Variants in NBAS observed in about 807,000 individuals in gnomAD.
The protein encoded by NBAS is NAG/BC035112 fusion.
A neutral mutation model predicts 302.5 loss-of-function variants in NBAS; 219 were observed. The observed-to-expected ratio is 0.72, with a 90% CI of 0.65 to 0.81. The LOEUF is 0.81. Among genes scored for constraint, NBAS ranks in the 30% least tolerant of loss-of-function variants. The probability of loss-of-function intolerance (pLI) is 0.00; values close to 1 mark genes in which losing one functional copy is unlikely to be tolerated. For missense variants in NBAS, 2,932 were observed against 2,841.6 expected (o/e 1.03, Z -0.72); for synonymous variants, 1,118 against 1,021.6 (o/e 1.09, Z -1.80).
intron 30 of NBAS, among the ~76,000 whole-genome samples, chr2:15,377,148 T>G (rs1416853199): frequency 6.6e-6 from 1 of 152,050 alleles, no homozygotes; most frequent in Non-Finnish European, 1.5e-5. Context: ...AGTAAAATAT[T>G]TGAGATAGGC....
intron 44 of NBAS, among the ~76,000 whole-genome samples, chr2:15,255,636 A>AG (rs1458734792): frequency 6.6e-6 from 1 of 152,168 alleles, no homozygotes; most frequent in East Asian, 1.9e-4. Flanking sequence ...TCCAATGTCT[A>AG]GAAGAGTTTT....
the NBAS span, among the ~76,000 whole-genome samples, chr2:15,128,290 C>T: frequency 3.3e-5 from 5 of 152,208 alleles, no homozygotes; most frequent in Non-Finnish European, 7.3e-5. Context: ...ATGTGATTGA[C>T]AGCGGGGGAC....
At chr2:14,806,742 G>C in the NBAS span, among the ~76,000 whole-genome samples, 1 of 152,136 alleles carries the variant, frequency 6.6e-6, no homozygotes, top group East Asian at 1.9e-4. Flanking sequence ...CACTCTAAAG[G>C]GAGGAAAATC....
the NBAS span, among the ~76,000 whole-genome samples, chr2:14,912,004 A>C: frequency 6.6e-6 from 1 of 152,352 alleles, no homozygotes; most frequent in East Asian, 1.9e-4. Context: ...TCACAAGCCT[A>C]GGTGGTGCAG....
At chr2:15,483,890 C>A (rs11901502) in intron 12 of NBAS, among the ~76,000 whole-genome samples, 1,613 of 152,282 alleles carry the variant, frequency 0.011, 26 homozygotes, top group African/African-American at 0.036. Context: ...AAATTATAAG[C>A]TGACTAGTTT....
At chr2:14,872,689 T>A in the NBAS span, among the ~76,000 whole-genome samples, 2 of 151,958 alleles carry the variant, frequency 1.3e-5, no homozygotes, top group African/African-American at 4.8e-5. Context: ...TCCGGGTGAG[T>A]TCGTGGTCTC....
chr2:14,976,312 G>A, the NBAS span, among the ~76,000 whole-genome samples: 1 of 152,216 alleles, frequency 6.6e-6, no homozygotes, highest in Non-Finnish European at 1.5e-5. Context: ...GCAGGCCATG[G>A]TACCATAGTG....
chr2:15,039,530 G>A, the NBAS span, among the ~76,000 whole-genome samples: 2 of 152,198 alleles, frequency 1.3e-5, no homozygotes. Context: ...GAGCCAAGAA[G>A]GGAGTGTGCA....
chr2:15,260,874 G>A (rs1017327681), intron 44 of NBAS, among the ~76,000 whole-genome samples: 2 of 152,118 alleles, frequency 1.3e-5, no homozygotes, highest in South Asian at 2.1e-4. Context: ...GTCAGGAAAC[G>A]ATATGACCCC....
At chr2:15,357,704 T>G (rs1055446388) in intron 32 of NBAS, among the ~76,000 whole-genome samples, 3 of 152,130 alleles carry the variant, frequency 2.0e-5, no homozygotes, top group African/African-American at 7.2e-5. Context: ...TATATATAAA[T>G]GAGGATGAAA....
At chr2:15,226,996 T>C (rs1667176510) in intron 47 of NBAS, among the ~76,000 whole-genome samples, 1 of 152,216 alleles carries the variant, frequency 6.6e-6, no homozygotes. Context: ...TTCCAAACCT[T>C]GGAGGAAAAA....
intron 44 of NBAS, among the ~76,000 whole-genome samples, chr2:15,240,384 C>T (rs1431719618): frequency 6.9e-6 from 1 of 145,550 alleles, no homozygotes; most frequent in East Asian, 2.0e-4. Flanking sequence ...GGATGGATCA[C>T]GAGGTCAGGT....
At chr2:15,296,612 A>G (rs549883514) in intron 40 of NBAS, among the ~76,000 whole-genome samples, 25 of 152,210 alleles carry the variant, frequency 1.6e-4, no homozygotes, top group African/African-American at 5.8e-4. Context: ...TGGAGGCTCA[A>G]TTGAGGCCAG....
At chr2:14,930,304 C>G in the NBAS span, among the ~76,000 whole-genome samples, 1 of 152,114 alleles carries the variant, frequency 6.6e-6, no homozygotes, top group African/African-American at 2.4e-5. Flanking sequence ...AAAAATGGAC[C>G]ATGCTATACT....
At chr2:15,124,922 G>A in the NBAS span, among the ~76,000 whole-genome samples, 2 of 152,198 alleles carry the variant, frequency 1.3e-5, no homozygotes, top group Non-Finnish European at 2.9e-5. Context: ...ACTCTACTAT[G>A]GCAGTGCTGA....
At chr2:15,048,529 C>G in the NBAS span, among the ~76,000 whole-genome samples, 1 of 152,220 alleles carries the variant, frequency 6.6e-6, no homozygotes, top group Non-Finnish European at 1.5e-5. Context: ...CTTCTTCTCA[C>G]GCTGAGAACC....
intron 21 of NBAS, among the ~76,000 whole-genome samples, chr2:15,441,960 T>A (rs891269870): frequency 2.0e-5 from 3 of 147,812 alleles, no homozygotes; most frequent in South Asian, 4.4e-4. Flanking sequence ...GAGCTAACTA[T>A]CCTAAATATA....
chr2:15,269,305 T>C (rs921082677), intron 44 of NBAS, among the ~76,000 whole-genome samples: 1 of 152,206 alleles, frequency 6.6e-6, no homozygotes, highest in Non-Finnish European at 1.5e-5. Flanking sequence ...ATGGTAGACA[T>C]ATGCCTCAGT....
the NBAS span, among the ~76,000 whole-genome samples, chr2:15,142,546 T>G: frequency 2.6e-5 from 4 of 152,232 alleles, no homozygotes; most frequent in African/African-American, 9.6e-5. Context: ...GCTCCCCTTG[T>G]TTTGAAGAGA....
Sources: allele counts gnomAD v4.1 joint callset (sites outside exome capture counted in the v4.1 genomes callset), GRCh38; gene constraint gnomAD v4.1.1; transcripts MANE v1.5; gene names NCBI Gene and HGNC (gene_info 2026-07-23, HGNC 2026-07-21).